ZFPM2: variants seen among roughly 807,000 people sequenced by gnomAD.
The protein encoded by ZFPM2 is zinc finger protein, FOG family member 2.
A neutral mutation model predicts 98.6 loss-of-function variants in ZFPM2; 20 were observed. The observed-to-expected ratio is 0.20, with a 90% CI of 0.14 to 0.29. ZFPM2 has a LOEUF of 0.29. ZFPM2 is among the 10% of genes least tolerant of loss of function. The pLI is 1.00. For synonymous variants in ZFPM2, 518 were observed against 502.7 expected, an observed-to-expected ratio of 1.03 and a Z score of -0.41; for missense variants, 1,310 against 1,388.6, an observed-to-expected ratio of 0.94 and a Z score of 0.90.
chr8:105,800,250 A>G (rs1464968552), intron 7 of ZFPM2, among the ~76,000 whole-genome samples: 1 of 152,204 alleles, frequency 6.6e-6, no homozygotes, highest in East Asian at 1.9e-4. Flanking sequence ...CAGAGGGGAT[A>G]AGCCAAGCCT....
intron 2 of ZFPM2, among the ~76,000 whole-genome samples, chr8:105,425,868 G>T (rs567980241): frequency 6.6e-6 from 1 of 152,264 alleles, no homozygotes; most frequent in South Asian, 2.1e-4. Flanking sequence ...GTATCTTTAT[G>T]CAGTTTTGGC....
chr8:105,461,675 C>G (rs569675906), intron 3 of ZFPM2, among the ~76,000 whole-genome samples: 1 of 152,162 alleles, frequency 6.6e-6, no homozygotes, highest in Admixed American at 6.5e-5. Context: ...CTTTTTCATT[C>G]CCATCTCTGG....
At chr8:105,712,676 A>T (rs1046926435) in intron 5 of ZFPM2, among the ~76,000 whole-genome samples, 4 of 152,046 alleles carry the variant, frequency 2.6e-5, no homozygotes, top group African/African-American at 9.7e-5. Context: ...TAGTGAACAT[A>T]GTACCCAATA....
chr8:105,446,191 A>T (rs1812366328), intron 3 of ZFPM2, among the ~76,000 whole-genome samples: 1 of 152,186 alleles, frequency 6.6e-6, no homozygotes, highest in Non-Finnish European at 1.5e-5. Flanking sequence ...AAGTGCTGGG[A>T]TTACAGGCGT....
At chr8:105,574,841 C>T (rs753178607) in intron 4 of ZFPM2, among the ~76,000 whole-genome samples, 9 of 150,590 alleles carry the variant, frequency 6.0e-5, no homozygotes, top group Non-Finnish European at 8.8e-5. Flanking sequence ...CCCAGGCACA[C>T]GCAGCATATT....
At chr8:105,417,868 T>A (rs1661515154) in intron 1 of ZFPM2, among the ~76,000 whole-genome samples, 1 of 152,152 alleles carries the variant, frequency 6.6e-6, no homozygotes, top group South Asian at 2.1e-4. Context: ...CATTTGCTCT[T>A]TTGAAAAAGG....
chr8:105,355,252 T>C (rs1387155730), intron 1 of ZFPM2, among the ~76,000 whole-genome samples: 1 of 152,240 alleles, frequency 6.6e-6, no homozygotes, highest in Non-Finnish European at 1.5e-5. Flanking sequence ...GAAGTCACTA[T>C]TGACAAGCTA....
chr8:105,563,317 A>G (rs1815178023), intron 4 of ZFPM2, among the ~76,000 whole-genome samples: 1 of 152,194 alleles, frequency 6.6e-6, no homozygotes, highest in Non-Finnish European at 1.5e-5. Context: ...TAATGATTAG[A>G]ATAAATAGGA....
At chr8:105,386,313 C>G (rs1444831668) in intron 1 of ZFPM2, among the ~76,000 whole-genome samples, 1 of 152,062 alleles carries the variant, frequency 6.6e-6, no homozygotes, top group South Asian at 2.1e-4. Flanking sequence ...AATTTTTTTA[C>G]ATATTCTTTT....
At chr8:105,321,007 G>T (rs1254525605) in intron 1 of ZFPM2, among the ~76,000 whole-genome samples, 2 of 152,100 alleles carry the variant, frequency 1.3e-5, no homozygotes, top group Non-Finnish European at 2.9e-5. Flanking sequence ...TCAATTTGGG[G>T]TCACAGTGAT....
chr8:105,548,409 G>A (rs999297269), intron 3 of ZFPM2, among the ~76,000 whole-genome samples: 2 of 151,912 alleles, frequency 1.3e-5, no homozygotes, highest in Non-Finnish European at 2.9e-5. Flanking sequence ...AAATTAACAT[G>A]TTTACAATAT....
At chr8:105,701,654 A>G (rs1811144464) in intron 5 of ZFPM2, among the ~76,000 whole-genome samples, 2 of 152,220 alleles carry the variant, frequency 1.3e-5, no homozygotes, top group South Asian at 4.1e-4. Flanking sequence ...AGAAATATGC[A>G]TAATTTAACG....
intron 1 of ZFPM2, among the ~76,000 whole-genome samples, chr8:105,389,504 A>C (rs530989169): frequency 1.3e-5 from 2 of 152,318 alleles, no homozygotes; most frequent in South Asian, 4.1e-4. Context: ...TGACCAATTA[A>C]GGGTAGATCC....
chr8:105,462,717 C>T (rs754188687), intron 3 of ZFPM2, among the ~76,000 whole-genome samples: 2 of 150,092 alleles, frequency 1.3e-5, no homozygotes, highest in East Asian at 2.0e-4. Context: ...TCATCAGCAC[C>T]GTCATGATCC....
chr8:105,578,278 T>C (rs2130735725), intron 4 of ZFPM2, among the ~76,000 whole-genome samples: 1 of 152,172 alleles, frequency 6.6e-6, no homozygotes, highest in African/African-American at 2.4e-5. Flanking sequence ...TCCAAGTATC[T>C]TTTGCTAGTG....
chr8:105,580,172 A>G (rs1815557016), intron 4 of ZFPM2, among the ~76,000 whole-genome samples: 1 of 152,164 alleles, frequency 6.6e-6, no homozygotes, highest in Non-Finnish European at 1.5e-5. Flanking sequence ...AAGGACTGGC[A>G]CCAAACATAA....
At chr8:105,647,755 A>C (rs1308431076) in intron 5 of ZFPM2, among the ~76,000 whole-genome samples, 2 of 151,956 alleles carry the variant, frequency 1.3e-5, no homozygotes, top group African/African-American at 4.8e-5. Context: ...TATGTGCCAC[A>C]TTTTCTTAAT....
chr8:105,333,762 T>C (rs912262107), intron 1 of ZFPM2, among the ~76,000 whole-genome samples: 7 of 151,558 alleles, frequency 4.6e-5, no homozygotes, highest in African/African-American at 1.7e-4. Context: ...GTGTTCATGC[T>C]GATATGGAAA....
chr8:105,327,567 A>G (rs1812137187), intron 1 of ZFPM2, among the ~76,000 whole-genome samples: 1 of 151,744 alleles, frequency 6.6e-6, no homozygotes, highest in South Asian at 2.1e-4. Flanking sequence ...CTTATTCTAT[A>G]CAGAAAAAAT....
Sources: allele counts gnomAD v4.1 joint callset (sites outside exome capture counted in the v4.1 genomes callset), GRCh38; gene constraint gnomAD v4.1.1; transcripts MANE v1.5; gene names NCBI Gene and HGNC (gene_info 2026-07-23, HGNC 2026-07-21).